The following IQCM variants were observed in gnomAD, a reference collection of about 807,000 sequenced individuals.
The protein encoded by IQCM is IQ domain-containing protein M.
Under a neutral mutation model 57.6 loss-of-function variants are expected in IQCM, and 45 were observed. That is an observed-to-expected ratio of 0.78 (90% CI 0.62 to 1.00). The LOEUF is 1.00. Ranked by LOEUF, IQCM falls within the 50% of genes least tolerant of loss-of-function variation. The pLI is 0.00. For synonymous variants in IQCM, 148 were observed against 158.9 expected (o/e 0.93, Z 0.51); for missense variants, 468 against 511.6 (o/e 0.91, Z 0.82).
chr4:149,371,637 C>T (rs1490636484), intron 13 of IQCM, among the ~76,000 whole-genome samples: 1 of 152,106 alleles, frequency 6.6e-6, no homozygotes, highest in East Asian at 1.9e-4. Context: ...TAAGATTAGT[C>T]AATACCTCTT....
chr4:149,644,245 C>T (rs1579825076), intron 7 of IQCM, among the ~76,000 whole-genome samples: 1 of 152,008 alleles, frequency 6.6e-6, no homozygotes, highest in Admixed American at 6.6e-5. Flanking sequence ...TGATAGTGGG[C>T]CACTTAGCAG....
intron 7 of IQCM, among the ~76,000 whole-genome samples, chr4:149,633,167 CAAAAAAAAAAAA>C (rs71596216): frequency 1.3e-4 from 3 of 22,938 alleles, no homozygotes; most frequent in South Asian, 2.5e-3. Flanking sequence ...GACTCCGTCT[CAAAAAAAAAAAA>C]AAAAAAAAAA....
At chr4:149,693,368 G>T (rs1763086149) in intron 5 of IQCM, among the ~76,000 whole-genome samples, 1 of 152,056 alleles carries the variant, frequency 6.6e-6, no homozygotes. Context: ...ATCCAAATTT[G>T]AATAGCCGAC....
At chr4:149,547,149 C>T (rs1309473915) in intron 12 of IQCM, among the ~76,000 whole-genome samples, 4 of 151,482 alleles carry the variant, frequency 2.6e-5, no homozygotes, top group African/African-American at 9.8e-5. Context: ...GGTATTATTT[C>T]TGAGGGCTCT....
chr4:149,444,562 C>T (rs1023089854), intron 12 of IQCM, among the ~76,000 whole-genome samples: 5 of 151,742 alleles, frequency 3.3e-5, no homozygotes, highest in Non-Finnish European at 1.5e-5. Context: ...GTCCACTGTG[C>T]TGTATTTAAT....
intron 12 of IQCM, among the ~76,000 whole-genome samples, chr4:149,439,051 T>A (rs909912236): frequency 1.3e-5 from 2 of 152,030 alleles, no homozygotes; most frequent in Non-Finnish European, 2.9e-5. Context: ...CTTCAGGTCA[T>A]GAAAACAGGC....
At chr4:149,406,749 T>C (rs1362676751) in intron 13 of IQCM, among the ~76,000 whole-genome samples, 1 of 152,208 alleles carries the variant, frequency 6.6e-6, no homozygotes, top group Non-Finnish European at 1.5e-5. Context: ...CTAAGATGCC[T>C]ACTTTTCAAA....
intron 12 of IQCM, among the ~76,000 whole-genome samples, chr4:149,468,901 C>T (rs1301177521): frequency 6.6e-6 from 1 of 152,196 alleles, no homozygotes; most frequent in Non-Finnish European, 1.5e-5. Context: ...AACAGACCTG[C>T]AGCTGTGGGT....
rs892311112 is a variant in IQCM at position 149,497,217 on chromosome 4, G to C, written c.1228+51238C>G. Among the ~76,000 whole-genome samples, 4 of 152,052 alleles carry C rather than the reference G, an allele frequency of 2.6e-5. No individual in the cohort carries two copies. The South Asian group carries it at 6.2e-4, about 24-fold the overall frequency. Reference sequence around the variant, plus strand: ...TGGATCCTGGGCTTTCTGGGAGGAGGAGGAGCCTCAGGGAAGGACTGGGCC... The same window carrying C: ...TGGATCCTGGGCTTTCTGGGAGGAGCAGGAGCCTCAGGGAAGGACTGGGCC... On this transcript the variant is annotated intron_variant, in intron 12 of 13. Transcript: ENST00000636793.
intron 12 of IQCM, among the ~76,000 whole-genome samples, chr4:149,526,005 G>T (rs1746124073): frequency 6.6e-6 from 1 of 151,836 alleles, no homozygotes; most frequent in African/African-American, 2.4e-5. Context: ...GTAAATTAAA[G>T]TAAGTGTAAA....
At chr4:149,557,228 T>C (rs748519133) in intron 10 of IQCM, among the ~76,000 whole-genome samples, 5 of 152,126 alleles carry the variant, frequency 3.3e-5, no homozygotes, top group South Asian at 4.1e-4. Context: ...ATGTTGAGCC[T>C]GATCTGAGAA....
intron 12 of IQCM, among the ~76,000 whole-genome samples, chr4:149,495,924 T>G (rs1043931073): frequency 6.6e-6 from 1 of 152,152 alleles, no homozygotes; most frequent in Non-Finnish European, 1.5e-5. Context: ...GGTAAAAATC[T>G]TATAGCTCCT....
At chr4:149,515,257 G>A (rs1389780643) in intron 12 of IQCM, among the ~76,000 whole-genome samples, 1 of 151,946 alleles carries the variant, frequency 6.6e-6, no homozygotes, top group Non-Finnish European at 1.5e-5. Context: ...TTTGACTATG[G>A]GTCATCAAGT....
chr4:149,372,267 C>T (rs1730417568), intron 13 of IQCM, among the ~76,000 whole-genome samples: 1 of 152,104 alleles, frequency 6.6e-6, no homozygotes, highest in African/African-American at 2.4e-5. Context: ...ATTAAATTTA[C>T]ATTTTGTTTT....
chr4:149,738,940 C>T lies in IQCM; in HGVS notation c.38-3482G>A, dbSNP rs17026403. On this transcript the variant is annotated intron_variant, in intron 3 of 13. Coordinates refer to ENST00000636793, the MANE Select transcript of IQCM (RefSeq NM_001363507.2). ...ATAATTTCCAAGGACATGTATCTATCCCACAAATGAGTCTAAAAATTACAA... is the reference window on the plus strand; with the variant it reads ...ATAATTTCCAAGGACATGTATCTATTCCACAAATGAGTCTAAAAATTACAA... 9.0e-3 allele frequency among the ~76,000 whole-genome samples: 1,369 copies of T among 152,252 alleles called. 10 individuals carry two copies. Among genetic ancestry groups the T allele is most frequent in the African/African-American group, 0.031 (1,268 of 41,546 alleles).
intron 13 of IQCM, among the ~76,000 whole-genome samples, chr4:149,399,218 T>C (rs1732442921): frequency 6.6e-6 from 1 of 152,054 alleles, no homozygotes; most frequent in Non-Finnish European, 1.5e-5. Context: ...TCAGGTCTTT[T>C]CTCAAACATC....
chr4:149,507,929 G>A (rs1198033921), intron 12 of IQCM, among the ~76,000 whole-genome samples: 1 of 151,994 alleles, frequency 6.6e-6, no homozygotes, highest in African/African-American at 2.4e-5. Flanking sequence ...CCTCTGCTGT[G>A]TGCAGTCTAG....
At chr4:149,691,940 G>A (rs1051312009) in intron 5 of IQCM, 2 of 152,180 alleles carry the variant, frequency 1.3e-5, no homozygotes, top group Non-Finnish European at 2.9e-5. Context: ...CAACATATAT[G>A]TGTATCTTGG....
In IQCM at chr4:149,805,806, G is replaced by C. The variant is rs538377680; in HGVS notation, c.-49+9505C>G. Among the ~76,000 whole-genome samples the C allele has an allele frequency of 2.6e-5, 4 of 151,866 alleles. No homozygotes were observed. In the South Asian group the frequency reaches 8.3e-4, roughly 31 times the overall value. ...GATTTTTATTTTTCATCTAATTCTT[G>C]GACTGAAATTAAAGCTTCTGGGTCT... On this transcript the variant is annotated intron_variant, in intron 2 of 13. Coordinates refer to ENST00000636793, the MANE Select transcript of IQCM (RefSeq NM_001363507.2).
Sources: gnomAD v4.1 joint callset for allele counts (sites outside exome capture counted in the v4.1 genomes callset) on GRCh38, gnomAD v4.1.1 for gene constraint, MANE v1.5 for transcripts, NCBI Gene and HGNC (gene_info 2026-07-23, HGNC 2026-07-21) for gene names.